TRAF3: variants seen among roughly 807,000 people sequenced by gnomAD.
TRAF3 encodes the protein TNF receptor associated factor 3, also known as TNF receptor-associated factor 3.
In TRAF3, 13 loss-of-function variants were observed where a neutral mutation model predicts 62.3. The ratio of observed to expected loss-of-function variants is 0.21; its 90% CI spans 0.14 to 0.33. The LOEUF (loss-of-function observed/expected upper bound fraction) is 0.33, where lower values mean the gene tolerates loss of function less well. TRAF3 is among the 10% of genes least tolerant of loss of function. The pLI is 1.00. For synonymous variants in TRAF3, 269 were observed against 283.4 expected (o/e 0.95, Z 0.51); for missense variants, 440 against 741.8 (o/e 0.59, Z 4.73).
intron 1 of TRAF3, among the ~76,000 whole-genome samples, chr14:102,802,523 A>C (rs1181207109): frequency 6.9e-6 from 1 of 145,908 alleles, no homozygotes; most frequent in Non-Finnish European, 1.5e-5. Context: ...GTCCAATTTC[A>C]CGCTGCTATG....
intron 6 of TRAF3, among the ~76,000 whole-genome samples, chr14:102,878,407 G>C (rs1051390214): frequency 1.4e-5 from 2 of 138,122 alleles, no homozygotes; most frequent in African/African-American, 5.4e-5. Context: ...AGTGTGTGGG[G>C]GTGTGTGAAT....
chr14:102,816,691 A>G (rs963124683), intron 1 of TRAF3, among the ~76,000 whole-genome samples: 1 of 152,174 alleles, frequency 6.6e-6, no homozygotes, highest in Non-Finnish European at 1.5e-5. Context: ...TGATGATCAT[A>G]TGATTGTGGC....
chr14:102,798,483 T>C (rs1172156510), intron 1 of TRAF3, among the ~76,000 whole-genome samples: 3 of 152,114 alleles, frequency 2.0e-5, no homozygotes, highest in Non-Finnish European at 4.4e-5. Flanking sequence ...ATAAAACAAA[T>C]ATAAAAACTA....
chr14:102,821,839 C>G (rs778881689), intron 1 of TRAF3, among the ~76,000 whole-genome samples: 20 of 152,066 alleles, frequency 1.3e-4, no homozygotes, highest in South Asian at 4.1e-4. Flanking sequence ...GTCGGGAGTT[C>G]GAGACCAGCC....
chr14:102,779,911 AC>A (rs766501151), intron 1 of TRAF3, among the ~76,000 whole-genome samples: 14 of 152,250 alleles, frequency 9.2e-5, no homozygotes, highest in Non-Finnish European at 1.5e-4. Context: ...AGAACTGTTA[AC>A]TTAGCAGAGG....
chr14:102,850,660 A>T (rs1277324038), intron 2 of TRAF3, among the ~76,000 whole-genome samples: 2 of 140,948 alleles, frequency 1.4e-5, no homozygotes, highest in Non-Finnish European at 1.5e-5. Context: ...ACTGCACTCC[A>T]GCCTGGGCGA....
At chr14:102,813,263 C>G (rs1899309796) in intron 1 of TRAF3, among the ~76,000 whole-genome samples, 1 of 152,062 alleles carries the variant, frequency 6.6e-6, no homozygotes, top group South Asian at 2.1e-4. Context: ...GTTTGAGCCA[C>G]TGTGCCTGGC....
chr14:102,806,763 G>A (rs1438480185), intron 1 of TRAF3, among the ~76,000 whole-genome samples: 1 of 152,092 alleles, frequency 6.6e-6, no homozygotes, highest in Non-Finnish European at 1.5e-5. Context: ...GGTCAAGAGT[G>A]GAGTGCTTCA....
At chr14:102,886,757 AAAAAC>A (rs748873424) in intron 7 of TRAF3, among the ~76,000 whole-genome samples, 1 of 152,214 alleles carries the variant, frequency 6.6e-6, no homozygotes, top group Admixed American at 6.5e-5. Flanking sequence ...ACTCCGTCTC[AAAAAC>A]AAAACAAAAC....
At chr14:102,890,644 A>C (rs184722644) in intron 8 of TRAF3, among the ~76,000 whole-genome samples, 39 of 152,372 alleles carry the variant, frequency 2.6e-4, no homozygotes, top group Non-Finnish European at 5.4e-4. Context: ...ATTTTCTAAT[A>C]GCAAAACAAA....
intron 2 of TRAF3, among the ~76,000 whole-genome samples, chr14:102,852,634 C>G (rs1170587686): frequency 6.6e-6 from 1 of 152,082 alleles, no homozygotes; most frequent in East Asian, 1.9e-4. Flanking sequence ...TTCTTTGGAT[C>G]TACATATGGA....
At chr14:102,885,033 C>T (rs1358106755) in intron 6 of TRAF3, among the ~76,000 whole-genome samples, 1 of 152,140 alleles carries the variant, frequency 6.6e-6, no homozygotes, top group Non-Finnish European at 1.5e-5. Flanking sequence ...CCTTCTCTTC[C>T]CTGGCCACAG....
intron 6 of TRAF3, among the ~76,000 whole-genome samples, chr14:102,885,415 G>T (rs891829110): frequency 6.6e-6 from 1 of 152,202 alleles, no homozygotes; most frequent in Non-Finnish European, 1.5e-5. Context: ...ACTGTTCAGC[G>T]TGGCTCCATC....
At chr14:102,868,285 C>T (rs150126969) in intron 2 of TRAF3, among the ~76,000 whole-genome samples, 51 of 152,286 alleles carry the variant, frequency 3.3e-4, no homozygotes, top group African/African-American at 1.1e-3. Flanking sequence ...AAGAAAAATC[C>T]TATAGTGCAG....
At chr14:102,811,353 G>A (rs1050335242) in intron 1 of TRAF3, among the ~76,000 whole-genome samples, 1 of 150,376 alleles carries the variant, frequency 6.6e-6, no homozygotes, top group Non-Finnish European at 1.5e-5. Context: ...AGGCGGGAGT[G>A]CAGTGGCTAT....
At chr14:102,876,911 TCC>T (rs1888699074) in intron 6 of TRAF3, among the ~76,000 whole-genome samples, 1 of 142,640 alleles carries the variant, frequency 7.0e-6, no homozygotes. Flanking sequence ...CCACAGGCCT[TCC>T]CTCAACTCAT....
chr14:102,828,320 G>A lies in TRAF3; in HGVS notation c.-156-2014G>A, dbSNP rs977332944. ...GTCCTTGTTAATATGGAAACAACTCGTGGTGAAGCCTTTTGCTCCCCTTCA... is the reference window on the plus strand; with the variant it reads ...GTCCTTGTTAATATGGAAACAACTCATGGTGAAGCCTTTTGCTCCCCTTCA... On this transcript the variant is annotated intron_variant, in intron 1 of 11. Transcript: ENST00000392745. Among the ~76,000 whole-genome samples, 17 of 152,330 alleles carry A rather than the reference G, an allele frequency of 1.1e-4. 1 individual carries two copies. Among genetic ancestry groups the A allele is most frequent in the Middle Eastern group, 6.8e-3 (2 of 294 alleles).
At chr14:102,874,482 C>G (rs1888529287) in intron 4 of TRAF3, among the ~76,000 whole-genome samples, 2 of 152,118 alleles carry the variant, frequency 1.3e-5, no homozygotes, top group African/African-American at 4.8e-5. Context: ...TGGTCTCAAA[C>G]TCCTGACCTC....
At chr14:102,835,635 C>T (rs576327457) in intron 2 of TRAF3, among the ~76,000 whole-genome samples, 1 of 152,298 alleles carries the variant, frequency 6.6e-6, no homozygotes, top group Admixed American at 6.5e-5. Flanking sequence ...CCATTATCCT[C>T]AGCAAACGAA....
Sources: gnomAD v4.1 joint callset for allele counts (sites outside exome capture counted in the v4.1 genomes callset) on GRCh38, gnomAD v4.1.1 for gene constraint, MANE v1.5 for transcripts, NCBI Gene and HGNC (gene_info 2026-07-23, HGNC 2026-07-21) for gene names.